Variants in DOCK8 observed in about 807,000 individuals in gnomAD.
DOCK8 encodes dedicator of cytokinesis 8.
DOCK8 carries 141 observed loss-of-function variants against 245.6 expected under a neutral mutation model. The observed-to-expected ratio is 0.57, with a 90% CI of 0.50 to 0.66. DOCK8 has a LOEUF of 0.66. Among genes scored for constraint, DOCK8 ranks in the 30% least tolerant of loss-of-function variants. DOCK8 has a pLI of 0.00. For missense variants in DOCK8, 2,965 were observed against 2,603.4 expected (o/e 1.14, Z -3.02); for synonymous variants, 1,168 against 970.2 (o/e 1.20, Z -3.79).
intron 2 of DOCK8, among the ~76,000 whole-genome samples, chr9:272,459 T>A (rs551803675): frequency 1.3e-5 from 2 of 152,148 alleles, no homozygotes; most frequent in African/African-American, 4.8e-5. Context: ...CTCAGCTCAC[T>A]GCAACCTCAA....
chr9:421,204 A>G, intron 32 of DOCK8, 126 bp downstream of exon 32: 1 of 1,331,000 alleles, frequency 7.5e-7, no homozygotes, highest in Non-Finnish European at 1.1e-6. Context: ...TGTCAGAGAC[A>G]GCGGATTCTG....
intron 24 of DOCK8, among the ~76,000 whole-genome samples, chr9:394,768 AT>A (rs1486190194): frequency 1.3e-5 from 2 of 152,192 alleles, no homozygotes; most frequent in Non-Finnish European, 2.9e-5. Flanking sequence ...AGGGGGAAAG[AT>A]TTCTGTGCCT....
chr9:217,099 C>T (rs1335000600), intron 1 of DOCK8, among the ~76,000 whole-genome samples: 1 of 152,122 alleles, frequency 6.6e-6, no homozygotes, highest in African/African-American at 2.4e-5. Context: ...GTGTAACATA[C>T]ACATTGGAAT....
chr9:330,031 G>A (rs915295043), intron 9 of DOCK8, among the ~76,000 whole-genome samples: 29 of 152,082 alleles, frequency 1.9e-4, no homozygotes, highest in African/African-American at 6.5e-4. Flanking sequence ...AGCACATCCA[G>A]GCAGACATTA....
At chr9:249,853 C>T (rs997879033) in intron 1 of DOCK8, among the ~76,000 whole-genome samples, 1 of 151,488 alleles carries the variant, frequency 6.6e-6, no homozygotes. Context: ...GTCTCGAACT[C>T]CTGACCTCAA....
At chr9:256,732 G>A (rs1563845735) in intron 1 of DOCK8, among the ~76,000 whole-genome samples, 1 of 152,092 alleles carries the variant, frequency 6.6e-6, no homozygotes, top group Non-Finnish European at 1.5e-5. Context: ...AGGATCGCTG[G>A]ATAGGGCAGT....
At position 338,214 on chromosome 9, in the gene DOCK8, TTAAAA is replaced by T. The variant is rs199852907; in HGVS notation, c.1423-787_1423-783del. ...TTATGTTAGTTATATTTTGCCACAC[TTAAAA>T]TAAACTCGCTTGGTCTGACTCTGTT... On this transcript the variant is annotated intron_variant, in intron 12 of 47. Coordinates refer to ENST00000432829, the MANE Select transcript of DOCK8 (RefSeq NM_203447.4). Among the ~76,000 whole-genome samples, 685 of 152,218 alleles carry T rather than the reference TTAAAA, an allele frequency of 4.5e-3. 5 individuals are homozygous for T. The highest frequency in any genetic ancestry group is 0.016 in the African/African-American group (657 of 41,530).
At chr9:310,255 G>A (rs1347167081) in intron 5 of DOCK8, among the ~76,000 whole-genome samples, 3 of 122,242 alleles carry the variant, frequency 2.5e-5, no homozygotes, top group African/African-American at 1.0e-4. Flanking sequence ...CAAAAAATGT[G>A]AAACTCCGTC....
intron 28 of DOCK8, among the ~76,000 whole-genome samples, chr9:413,776 C>A (rs1180073211): frequency 1.3e-5 from 2 of 152,192 alleles, no homozygotes; most frequent in Non-Finnish European, 2.9e-5. Context: ...AAAATGGAGT[C>A]TTCAGACACT....
chr9:351,506 G>A (rs944983641), intron 14 of DOCK8, among the ~76,000 whole-genome samples: 1 of 152,230 alleles, frequency 6.6e-6, no homozygotes, highest in African/African-American at 2.4e-5. Flanking sequence ...TCAGGTACTA[G>A]TTTTTGTTAA....
Position 286,484 on chromosome 9 carries a change from G to C in DOCK8, c.180G>C (p.Glu60Asp), listed in dbSNP as rs370107163. ...LQLPQFYDPV[E>D]PVDFEGLLMT... ...AGCCTCAGTTTTATGACCCTGTGGA[G>C]CCAGTGGACTTTGAAGGACTTCTGA... is the stretch of plus-strand genomic sequence containing the variant. Residue 60 changes from glutamate (E) to aspartate (D), a missense_variant, in exon 3 of 48, where the codon GAG (glutamate) becomes GAC (aspartate). Glu to Asp is a conservative substitution (Grantham distance 45). Coordinates refer to ENST00000432829, the MANE Select transcript of DOCK8 (RefSeq NM_203447.4). 6.2e-7 allele frequency: 1 copy of C among 1,613,956 alleles called. No homozygotes were observed. The highest frequency in any genetic ancestry group is 8.5e-7 in the Non-Finnish European group (1 of 1,179,884).
intron 39 of DOCK8, among the ~76,000 whole-genome samples, chr9:436,205 C>CA (rs1361840207): frequency 6.6e-6 from 1 of 152,156 alleles, no homozygotes; most frequent in Non-Finnish European, 1.5e-5. Flanking sequence ...TCCTCAAGAA[C>CA]AAAAATAGTC....
intron 39 of DOCK8, among the ~76,000 whole-genome samples, chr9:435,708 CA>C (rs1371015829): frequency 1.3e-5 from 2 of 152,172 alleles, no homozygotes; most frequent in Non-Finnish European, 1.5e-5. Flanking sequence ...CCACATTTGG[CA>C]AAGGGAAATT....
At chr9:334,806 G>A (rs550938361) in intron 11 of DOCK8, among the ~76,000 whole-genome samples, 1 of 152,262 alleles carries the variant, frequency 6.6e-6, no homozygotes, top group East Asian at 1.9e-4. Context: ...CAGGAACAGG[G>A]CGTGGTGGCT....
Position 421,078 on chromosome 9 carries a change from G to C in DOCK8, c.4153G>C (p.Gly1385Arg). Residue 1385 changes from glycine to arginine, a missense_variant and splice_region_variant, in exon 32 of 48, where the codon GGG becomes CGG. Gly to Arg is a moderately radical substitution (Grantham distance 125). This residue lies in a region of DOCK8 where 2,825 missense variants were observed against 2,453.5 expected (regional missense o/e 1.15). Coordinates refer to ENST00000432829, the MANE Select transcript of DOCK8 (RefSeq NM_203447.4). ...RGEMMRRRAPGNDRFPGLNEN... is the reference protein window; with the variant it reads ...RGEMMRRRAPRNDRFPGLNEN... Reference sequence around the variant, plus strand: ...GGAGATGATGCGCCGCCGGGCTCCAGGTGTGTTGGACTGGCCCTTCCCTGC... The same window carrying C: ...GGAGATGATGCGCCGCCGGGCTCCACGTGTGTTGGACTGGCCCTTCCCTGC... The C allele has an allele frequency of 6.2e-7, 1 of 1,614,034 alleles. No homozygotes were observed. Among genetic ancestry groups the C allele is most frequent in the Non-Finnish European group, 8.5e-7 (1 of 1,180,040 alleles).
At chr9:261,229 C>A (rs2047910373) in intron 1 of DOCK8, among the ~76,000 whole-genome samples, 1 of 152,038 alleles carries the variant, frequency 6.6e-6, no homozygotes. Flanking sequence ...ATCTTACATG[C>A]TCAAAATAAA....
chr9:448,725 T>C lies in DOCK8; in HGVS notation c.5818-1059T>C, dbSNP rs545364450. ...TCTTCTCGTAAGGACACCAGTCATATTGGACTAGGGCTTACCCTGCTGGCC... is the reference window on the plus strand; with the variant it reads ...TCTTCTCGTAAGGACACCAGTCATACTGGACTAGGGCTTACCCTGCTGGCC... On this transcript the variant is annotated intron_variant, in intron 44 of 47. Transcript: ENST00000432829. Among the ~76,000 whole-genome samples the C allele has an allele frequency of 9.2e-5, 14 of 152,344 alleles. No individual in the cohort carries two copies. In the East Asian group the frequency reaches 1.2e-3, roughly 13 times the overall value.
chr9:276,380 G>A (rs7861576), intron 2 of DOCK8, among the ~76,000 whole-genome samples: 2,475 of 152,300 alleles, frequency 0.016, 63 homozygotes, highest in African/African-American at 0.054. Flanking sequence ...TCAGATGAGA[G>A]GAAGGGTGTA....
rs2296826 is a variant in DOCK8, at chr9:327,957, T to G, written c.895-65T>G. The G allele has an allele frequency of 0.42, 633,925 of 1,518,578 alleles. 137,628 individuals are homozygous for G. The highest frequency in any genetic ancestry group is 0.71 in the East Asian group (31,535 of 44,246). 94.1% of individuals were successfully genotyped at this position (1,518,578 alleles called of 1,614,324 possible). Reference sequence around the variant, plus strand: ...TTCTCTGTGGTGTTTTTACTCCTTTTTAACATGTTTAAACCATGAATGCAA... The same window carrying G: ...TTCTCTGTGGTGTTTTTACTCCTTTGTAACATGTTTAAACCATGAATGCAA... On this transcript the variant is annotated intron_variant, in intron 8 of 47. Transcript: ENST00000432829.
Sources: gnomAD v4.1 joint callset for allele counts (sites outside exome capture counted in the v4.1 genomes callset) on GRCh38, gnomAD v4.1.1 for gene constraint, gnomAD v4.1.1 regional missense constraint, MANE v1.5 for transcripts, NCBI Gene and HGNC (gene_info 2026-07-23, HGNC 2026-07-21) for gene names.